LSM8: variants seen among roughly 807,000 people sequenced by gnomAD.
LSM8 encodes LSM8 homolog, U6 small nuclear RNA associated, also known as LSM8 U6 small nuclear RNA associated.
In LSM8, 14 loss-of-function variants were observed where a neutral mutation model predicts 15.0. That is an observed-to-expected ratio of 0.93 (90% CI 0.62 to 1.46). The LOEUF is 1.46. Among genes scored for constraint, LSM8 ranks in the 40% most tolerant of loss-of-function variants. The pLI is 0.00. For synonymous variants in LSM8, 50 were observed against 42.1 expected, an observed-to-expected ratio of 1.19 and a Z score of -0.73; for missense variants, 90 against 115.4, an observed-to-expected ratio of 0.78 and a Z score of 1.01.
Position 118,194,669 on chromosome 7 carries a change from C to T in LSM8, c.*2667C>T, listed in dbSNP as rs187290415. Among the ~76,000 whole-genome samples the T allele has an allele frequency of 1.8e-3, 280 of 152,168 alleles. No homozygotes were observed. Among genetic ancestry groups the T allele is most frequent in the Middle Eastern group, 6.8e-3 (2 of 292 alleles). On this transcript the variant is annotated 3_prime_UTR_variant, in exon 4 of 4. Transcript: ENST00000249299. The stretch of plus-strand genomic sequence containing the variant: ...TAACGATGTCAACATTTTCCTCAGC[C>T]GTGTAACCTGAGATTCATCATGGGA...
chr7:118,202,550 T>C lies in LSM8; in HGVS notation c.*10548T>C, dbSNP rs899195960. On this transcript the variant is annotated 3_prime_UTR_variant, in exon 4 of 4. Transcript: ENST00000249299. ...ATTATCATATGGGAAAAATAAATGC[T>C]TTCCCAACTATAACCAGCAGACTAT... is the stretch of plus-strand genomic sequence containing the variant. 1.3e-5 allele frequency among the ~76,000 whole-genome samples: 2 copies of C among 152,058 alleles called. No homozygotes were observed. The highest frequency in any genetic ancestry group is 1.3e-4 in the Admixed American group (2 of 15,216).
Position 118,191,930 on chromosome 7 carries a change from C to T in LSM8, c.219C>T (p.Ile73=), listed in dbSNP as rs150054149. The change falls in exon 4 of 4, where the codon ATC becomes ATT. Residue 73 remains isoleucine, a synonymous_variant. Transcript: ENST00000249299. ...RGDNVAVIGE[I]DEETDSALDL... is the part of the protein sequence containing the mutation. ...TTTTTAGTGCAGTCATTGGAGAAAT[C>T]GATGAAGAAACAGATTCTGCGCTTG... 3.1e-6 allele frequency: 5 copies of T among 1,611,952 alleles called. No individual in the cohort carries two copies. Among genetic ancestry groups the T allele is most frequent in the East Asian group, 4.5e-5 (2 of 44,750 alleles).
In LSM8 at chr7:118,195,519, A is replaced by C. The variant is rs1238447618; in HGVS notation, c.*3517A>C. ...CTACCATATCTCTACAAGAGAATAG[A>C]TGAGGAATTGAGGTTATGTGGGAAG... On this transcript the variant is annotated 3_prime_UTR_variant, in exon 4 of 4. Transcript: ENST00000249299. 1.3e-5 allele frequency among the ~76,000 whole-genome samples: 2 copies of C among 152,222 alleles called. No individual in the cohort carries two copies. The highest frequency in any genetic ancestry group is 1.3e-4 in the Admixed American group (2 of 15,284).
Position 118,203,103 on chromosome 7 carries a change from G to T in LSM8, c.*11101G>T, listed in dbSNP as rs865985162. On this transcript the variant is annotated 3_prime_UTR_variant, in exon 4 of 4. Transcript: ENST00000249299. ...CCATTTATAGAACGTTCTATCCCAAGACATCAGAATATATATTCTTTTTAA... is the reference window on the plus strand; with the variant it reads ...CCATTTATAGAACGTTCTATCCCAATACATCAGAATATATATTCTTTTTAA... 1.3e-5 allele frequency among the ~76,000 whole-genome samples: 2 copies of T among 151,768 alleles called. No homozygotes were observed. Among genetic ancestry groups the T allele is most frequent in the Admixed American group, 6.6e-5 (1 of 15,190 alleles).
intron 1 of LSM8, 63 bp from the exon 2 acceptor site, chr7:118,185,591 C>G: frequency 1.4e-6 from 2 of 1,402,496 alleles, no homozygotes; most frequent in Non-Finnish European, 2.0e-6. Context: ...AAATCATTCC[C>G]TTGCCAGAGT....
In LSM8 at chr7:118,203,771, A is replaced by G. The variant is rs1809206438; in HGVS notation, c.*11769A>G. On this transcript the variant is annotated 3_prime_UTR_variant, in exon 4 of 4. Coordinates refer to ENST00000249299, the MANE Select transcript of LSM8 (RefSeq NM_016200.5). ...AAATAAATCATAATTTGTGATTTCA[A>G]ACATTTAATATGTGCACATGTATAT... 6.6e-6 allele frequency among the ~76,000 whole-genome samples: 1 copy of G among 151,846 alleles called. No individual in the cohort carries two copies. The highest frequency in any genetic ancestry group is 6.6e-5 in the Admixed American group (1 of 15,220).
Position 118,202,307 on chromosome 7 carries a change from G to T in LSM8, c.*10305G>T, listed in dbSNP as rs1004348312. 1.3e-5 allele frequency among the ~76,000 whole-genome samples: 2 copies of T among 151,910 alleles called. No homozygotes were observed. The highest frequency in any genetic ancestry group is 1.3e-4 in the Admixed American group (2 of 15,222). ...GCACTGGAAACTCTGACTGCCAGTG[G>T]CTTTAACAGGCAGGAGGAGTTCATT... On this transcript the variant is annotated 3_prime_UTR_variant, in exon 4 of 4. Transcript: ENST00000249299.
At position 118,202,655 on chromosome 7, in the gene LSM8, G is replaced by T. The variant is rs1357154505; in HGVS notation, c.*10653G>T. Among the ~76,000 whole-genome samples, 1 of 151,858 alleles carries T rather than the reference G, an allele frequency of 6.6e-6. No homozygotes were observed. The highest frequency in any genetic ancestry group is 1.5e-5 in the Non-Finnish European group (1 of 67,886). On this transcript the variant is annotated 3_prime_UTR_variant, in exon 4 of 4. Coordinates refer to ENST00000249299, the MANE Select transcript of LSM8 (RefSeq NM_016200.5). ...CCCTAACTACAAGGGAGGCTAGGAA[G>T]GTGAGGGATTTTTTTCCTTTTATAG...
Position 118,200,262 on chromosome 7 carries a change from A to G in LSM8, c.*8260A>G, listed in dbSNP as rs555394492. On this transcript the variant is annotated 3_prime_UTR_variant, in exon 4 of 4. Coordinates refer to ENST00000249299, the MANE Select transcript of LSM8 (RefSeq NM_016200.5). ...AGCCATTGGAGGGAGTAATAGTTTCAGAGTCATGAAACAAATCATAAGTAG... is the reference window on the plus strand; with the variant it reads ...AGCCATTGGAGGGAGTAATAGTTTCGGAGTCATGAAACAAATCATAAGTAG... 1.3e-4 allele frequency among the ~76,000 whole-genome samples: 20 copies of G among 152,158 alleles called. No individual in the cohort carries two copies. Among genetic ancestry groups the G allele is most frequent in the Non-Finnish European group, 2.6e-4 (18 of 68,016 alleles).
At chr7:118,186,387 TTCTC>T (rs1584705348) in intron 2 of LSM8, among the ~76,000 whole-genome samples, 1 of 152,228 alleles carries the variant, frequency 6.6e-6, no homozygotes, top group African/African-American at 2.4e-5. Context: ...CTACTGAACT[TTCTC>T]TATTTTCTAA....
rs1459877566 is a variant in LSM8, at chr7:118,200,216, C to T, written c.*8214C>T. ...CCATGAGGGACTAGGTATCCAAGTG[C>T]ACATTATATTGGCTTTGTAGAGCCA... On this transcript the variant is annotated 3_prime_UTR_variant, in exon 4 of 4. Transcript: ENST00000249299. 6.6e-6 allele frequency among the ~76,000 whole-genome samples: 1 copy of T among 152,094 alleles called. No homozygotes were observed. The highest frequency in any genetic ancestry group is 1.5e-5 in the Non-Finnish European group (1 of 67,998).
intron 1 of LSM8, chr7:118,184,818 A>C (rs2116316252): frequency 6.6e-6 from 1 of 152,382 alleles, no homozygotes; most frequent in South Asian, 2.1e-4. Context: ...AGACTTTACA[A>C]GTGTTACCGT....
rs1809124742 is a variant in LSM8, at chr7:118,198,948, G to C, written c.*6946G>C. Among the ~76,000 whole-genome samples, 1 of 152,154 alleles carries C rather than the reference G, an allele frequency of 6.6e-6. No homozygotes were observed. The highest frequency in any genetic ancestry group is 2.4e-5 in the African/African-American group (1 of 41,416). Reference sequence around the variant, plus strand: ...GAGGGAACTGAATATTTATGTGACTGAACCCTCATAAAAACCCTGAACACC... The same window carrying C: ...GAGGGAACTGAATATTTATGTGACTCAACCCTCATAAAAACCCTGAACACC... On this transcript the variant is annotated 3_prime_UTR_variant, in exon 4 of 4. Coordinates refer to ENST00000249299, the MANE Select transcript of LSM8 (RefSeq NM_016200.5).
chr7:118,196,700 T>TTTTTTTTA lies in LSM8; in HGVS notation c.*4701_*4702insTTTTATTT, dbSNP rs1448668001. ...TTTCTTTTTTTTTAAGTCCTTTAATTTTTATTTATTTATTTATTTATTTAT... is the reference window on the plus strand; with the variant it reads ...TTTCTTTTTTTTTAAGTCCTTTAATTTTTTTTTATTTATTTATTTATTTATTTATTTAT... On this transcript the variant is annotated 3_prime_UTR_variant, in exon 4 of 4. Transcript: ENST00000249299. Among the ~76,000 whole-genome samples the TTTTTTTTA allele has an allele frequency of 7.0e-4, 91 of 129,800 alleles. No homozygotes were observed. The highest frequency in any genetic ancestry group is 3.2e-3 in the South Asian group (13 of 4,010). The allele number at this position is 129,800 out of a possible 152,430, so 85.2% of individuals were successfully genotyped here.
At chr7:118,184,878 G>C (rs1808859916) in intron 1 of LSM8, 1 of 152,186 alleles carries the variant, frequency 6.6e-6, no homozygotes, top group African/African-American at 2.4e-5. Flanking sequence ...TACAAACTGG[G>C]TGACAAAAAT....
chr7:118,186,230 T>G (rs967564668), intron 2 of LSM8, among the ~76,000 whole-genome samples: 1 of 152,196 alleles, frequency 6.6e-6, no homozygotes, highest in Non-Finnish European at 1.5e-5. Flanking sequence ...CCTTGCTAAT[T>G]TATGTCATAT....
Position 118,191,989 on chromosome 7 carries a change from C to G in LSM8, c.278C>G (p.Ser93Cys). The change falls in exon 4 of 4, where the codon TCT becomes TGT. Residue 93 changes from serine (S) to cysteine (C), a missense_variant. Physicochemically the swap from Ser to Cys is moderately radical, Grantham distance 112. Transcript: ENST00000249299. ...LGNIRAEPLN[S>C]VAH ...AATATTCGAGCAGAACCTTTAAATTCTGTAGCACACTGAGGAAAAACTACA... is the reference window on the plus strand; with the variant it reads ...AATATTCGAGCAGAACCTTTAAATTGTGTAGCACACTGAGGAAAAACTACA... 2 of 1,606,540 alleles carry G rather than the reference C, an allele frequency of 1.2e-6. No homozygotes were observed. Among genetic ancestry groups the G allele is most frequent in the Non-Finnish European group, 1.7e-6 (2 of 1,174,090 alleles).
chr7:118,191,290 T>A (rs1217400760), intron 3 of LSM8: 1 of 152,308 alleles, frequency 6.6e-6, no homozygotes, highest in Admixed American at 6.5e-5. Flanking sequence ...ATAGATACTA[T>A]GTTAGTGTTG....
chr7:118,188,508 T>C (rs1393699161), intron 3 of LSM8, 103 bp downstream of exon 3: 17 of 1,039,548 alleles, frequency 1.6e-5, no homozygotes, highest in Admixed American at 3.0e-5. Context: ...ACATAGTTAA[T>C]AGAATCTTGC....
Sources: allele counts gnomAD v4.1 joint callset (sites outside exome capture counted in the v4.1 genomes callset), GRCh38; gene constraint gnomAD v4.1.1; transcripts MANE v1.5; gene names NCBI Gene and HGNC (gene_info 2026-07-23, HGNC 2026-07-21).